CBL: variants seen among roughly 807,000 people sequenced by gnomAD.
The protein encoded by CBL is Cbl proto-oncogene.
CBL carries 45 observed loss-of-function variants against 96.9 expected under a neutral mutation model. That is an observed-to-expected ratio of 0.46 (90% CI 0.37 to 0.60). CBL has a LOEUF of 0.60. Ranked by LOEUF, CBL falls within the 20% of genes least tolerant of loss-of-function variation. CBL has a pLI of 0.00. For missense variants in CBL, 1,024 were observed against 1,143.5 expected (o/e 0.90, Z 1.51); for synonymous variants, 420 against 426.8 (o/e 0.98, Z 0.20).
chr11:119,287,836 T>C lies in CBL; in HGVS notation c.1942-16T>C. 1.3e-6 allele frequency: 2 copies of C among 1,571,768 alleles called. No homozygotes were observed. Among genetic ancestry groups the C allele is most frequent in the Non-Finnish European group, 1.8e-6 (2 of 1,141,442 alleles). ...GGTAAGAAAGTTGTTTTTCAACACT[T>C]TTCTTTACTTTCCAGAGTATGAATA... On this transcript the variant is annotated splice_polypyrimidine_tract_variant and intron_variant, in intron 11 of 15. Coordinates refer to ENST00000264033, the MANE Select transcript of CBL (RefSeq NM_005188.4).
At position 119,306,037 on chromosome 11, in the gene CBL, C is replaced by G. The variant is rs1197845124; in HGVS notation, c.*6256C>G. ...CAGTGCCATGTGCCTTCACTGTGTC[C>G]CAGGAAATCTGGGTTGGTTCCAGTG... On this transcript the variant is annotated 3_prime_UTR_variant, in exon 16 of 16. Transcript: ENST00000264033. 4 of 366,200 alleles carry G rather than the reference C, an allele frequency of 1.1e-5. No individual in the cohort carries two copies. The highest frequency in any genetic ancestry group is 1.9e-5 in the Non-Finnish European group (4 of 205,738). The allele number at this position is 366,200 out of a possible 1,614,324, so 22.7% of individuals were successfully genotyped here. A position where few individuals can be genotyped will look rare whatever the true frequency, so the allele number is the denominator to read the frequency against.
intron 2 of CBL, among the ~76,000 whole-genome samples, chr11:119,268,000 GAAAC>G (rs1949816900): frequency 6.6e-6 from 1 of 152,194 alleles, no homozygotes; most frequent in Admixed American, 6.5e-5. Context: ...CAAAGGCCGA[GAAAC>G]AAAGAAGAGA....
chr11:119,286,103 A>T (rs1949983041), intron 11 of CBL, among the ~76,000 whole-genome samples: 1 of 152,018 alleles, frequency 6.6e-6, no homozygotes, highest in African/African-American at 2.4e-5. Context: ...GTTTGAGACC[A>T]CCCTGGCTAA....
At chr11:119,246,779 G>A (rs1469344498) in intron 2 of CBL, among the ~76,000 whole-genome samples, 1 of 152,174 alleles carries the variant, frequency 6.6e-6, no homozygotes, top group Non-Finnish European at 1.5e-5. Context: ...AAGGTTAGTT[G>A]CAGTGTGCAA....
intron 9 of CBL, among the ~76,000 whole-genome samples, chr11:119,281,701 G>A (rs990018128): frequency 2.6e-5 from 4 of 151,928 alleles, no homozygotes; most frequent in Admixed American, 2.0e-4. Context: ...GTTTCACCAT[G>A]TTAGCCAGGA....
At chr11:119,264,460 CTCTTTTCTTCTTTTCTCTTT>C (rs1949784259) in intron 2 of CBL, among the ~76,000 whole-genome samples, 1 of 140,104 alleles carries the variant, frequency 7.1e-6, no homozygotes, top group Admixed American at 7.1e-5. Flanking sequence ...CTCTTCTCTT[CTCTTTTCTTCTTTTCTCTTT>C]TCTTTTCTTT....
intron 9 of CBL, among the ~76,000 whole-genome samples, chr11:119,280,311 T>C (rs1949923306): frequency 1.3e-5 from 2 of 152,164 alleles, no homozygotes; most frequent in Non-Finnish European, 1.5e-5. Flanking sequence ...GTGATAATGG[T>C]ATTTTGTTTT....
chr11:119,280,031 G>A (rs1336239513), intron 9 of CBL, among the ~76,000 whole-genome samples: 1 of 152,134 alleles, frequency 6.6e-6, no homozygotes, highest in Admixed American at 6.5e-5. Context: ...GGAGTTTAGA[G>A]GAAAGAAGTA....
chr11:119,211,353 C>T (rs1211472896), intron 1 of CBL, among the ~76,000 whole-genome samples: 1 of 151,812 alleles, frequency 6.6e-6, no homozygotes, highest in Non-Finnish European at 1.5e-5. Context: ...GCCTGGGCAA[C>T]AAGAGTGAAA....
intron 1 of CBL, among the ~76,000 whole-genome samples, chr11:119,225,335 G>T (rs2135260635): frequency 6.6e-6 from 1 of 152,024 alleles, no homozygotes; most frequent in East Asian, 1.9e-4. Flanking sequence ...GACGTCAGGT[G>T]ATTCTCCCGC....
intron 2 of CBL, among the ~76,000 whole-genome samples, chr11:119,241,068 CTCAAAAA>C (rs1337877486): frequency 4.6e-5 from 7 of 151,710 alleles, no homozygotes; most frequent in African/African-American, 1.7e-4. Context: ...TAGATTCCAT[CTCAAAAA>C]TAAAAAATAA....
chr11:119,269,723 C>T (rs1444217685), intron 2 of CBL, among the ~76,000 whole-genome samples: 4 of 152,036 alleles, frequency 2.6e-5, no homozygotes, highest in Non-Finnish European at 4.4e-5. Flanking sequence ...ATGCCGGGCG[C>T]GGTGGCTCAC....
Position 119,298,426 on chromosome 11 carries a change from T to C in CBL, c.2320T>C (p.Tyr774His), listed in dbSNP as rs772021793. Residue 774 changes from tyrosine to histidine, a missense_variant, in exon 15 of 16, where the codon TAT becomes CAT. Around this residue, in one of 4 missense-constraint regions of CBL, gnomAD observed 695 missense variants for 661.6 expected, o/e 1.05. Coordinates refer to ENST00000264033, the MANE Select transcript of CBL (RefSeq NM_005188.4). ...PEESENEDDGYDVPKPPVPAV... is the reference protein window; with the variant it reads ...PEESENEDDGHDVPKPPVPAV... ...GGAGTCAGAAAATGAGGATGATGGG[T>C]ATGATGTCCCAAAGCCACCTGTGCC... 1.2e-6 allele frequency: 2 copies of C among 1,613,996 alleles called. No homozygotes were observed. Among genetic ancestry groups the C allele is most frequent in the African/African-American group, 2.7e-5 (2 of 74,912 alleles).
intron 1 of CBL, 130 bp from the exon 2 acceptor site, chr11:119,232,318 G>A (rs1949509233): frequency 2.0e-6 from 2 of 1,010,172 alleles, no homozygotes; most frequent in East Asian, 2.4e-5. Flanking sequence ...TTATGGATCT[G>A]CTTCTTATAT....
At chr11:119,269,164 A>AG in intron 2 of CBL, among the ~76,000 whole-genome samples, 1 of 152,012 alleles carries the variant, frequency 6.6e-6, no homozygotes, top group Non-Finnish European at 1.5e-5. Context: ...GGTACATGGT[A>AG]GAAATTCTAT....
At chr11:119,250,491 A>T (rs982339376) in intron 2 of CBL, among the ~76,000 whole-genome samples, 2 of 152,002 alleles carry the variant, frequency 1.3e-5, no homozygotes, top group Non-Finnish European at 2.9e-5. Context: ...CCAGGCCCCA[A>T]ATTCTGTCTT....
At chr11:119,289,408 T>A (rs1389356826) in intron 12 of CBL, among the ~76,000 whole-genome samples, 1 of 152,170 alleles carries the variant, frequency 6.6e-6, no homozygotes, top group African/African-American at 2.4e-5. Context: ...AGTAAGTTTT[T>A]ATTATAACCA....
intron 2 of CBL, among the ~76,000 whole-genome samples, chr11:119,270,693 G>A (rs1313515598): frequency 6.6e-6 from 1 of 151,502 alleles, no homozygotes; most frequent in Non-Finnish European, 1.5e-5. Context: ...TGATCCGCCC[G>A]CCTCGGCCTC....
intron 13 of CBL, 94 bp downstream of exon 13, chr11:119,297,128 T>A: frequency 1.3e-6 from 1 of 798,458 alleles, no homozygotes. Flanking sequence ...CATACTGTTA[T>A]CCAGTCAGAT....
Sources: allele counts gnomAD v4.1 joint callset (sites outside exome capture counted in the v4.1 genomes callset), GRCh38; gene constraint gnomAD v4.1.1; regional missense constraint gnomAD v4.1.1; transcripts MANE v1.5; gene names NCBI Gene and HGNC (gene_info 2026-07-23, HGNC 2026-07-21).